ZFYVE28: variants seen among roughly 807,000 people sequenced by gnomAD.
ZFYVE28 encodes lateral signaling target protein 2 homolog.
A neutral mutation model predicts 82.1 loss-of-function variants in ZFYVE28; 40 were observed. The ratio of observed to expected loss-of-function variants is 0.49; its 90% CI spans 0.38 to 0.63. ZFYVE28 has a LOEUF of 0.63. ZFYVE28 is among the 30% of genes least tolerant of loss of function. The pLI is 0.00. For synonymous variants in ZFYVE28, 612 were observed against 546.1 expected (o/e 1.12, Z -1.68); for missense variants, 1,321 against 1,242.1 (o/e 1.06, Z -0.96).
chr4:2,387,658 G>A (rs1418454498), intron 1 of ZFYVE28, among the ~76,000 whole-genome samples: 2 of 152,160 alleles, frequency 1.3e-5, no homozygotes, highest in Non-Finnish European at 2.9e-5. Context: ...GGGTGGGGAG[G>A]TTCTAGAAGG....
Position 2,305,077 on chromosome 4 carries a change from G to C in ZFYVE28, c.1263C>G (p.Gly421=). Residue 421 remains glycine (G), a synonymous_variant, in exon 8 of 13, where the codon GGC becomes GGG. Coordinates refer to ENST00000290974, the MANE Select transcript of ZFYVE28 (RefSeq NM_020972.3). Reference sequence around the variant, plus strand: ...AGGTACTGCCTGCCCACCCAAATGGGCCAGCTGGGGACTCGGGCCTGGCCA... The same window carrying C: ...AGGTACTGCCTGCCCACCCAAATGGCCCAGCTGGGGACTCGGGCCTGGCCA... ...EALARPESPA[G]PFGWAGSTWA... 1 of 1,609,266 alleles carries C rather than the reference G, an allele frequency of 6.2e-7. No individual in the cohort carries two copies. The highest frequency in any genetic ancestry group is 8.5e-7 in the Non-Finnish European group (1 of 1,177,732).
At chr4:2,319,705 G>T (rs930479846) in intron 7 of ZFYVE28, among the ~76,000 whole-genome samples, 3 of 152,178 alleles carry the variant, frequency 2.0e-5, no homozygotes, top group Admixed American at 6.5e-5. Context: ...TTTTAAAAGG[G>T]GGTCTCCCAT....
At chr4:2,400,691 A>G (rs1731079555) in intron 1 of ZFYVE28, among the ~76,000 whole-genome samples, 1 of 152,190 alleles carries the variant, frequency 6.6e-6, no homozygotes, top group Non-Finnish European at 1.5e-5. Context: ...GTTCCAGGGC[A>G]GGAAGCATCC....
chr4:2,291,490 C>G (rs1168119590), intron 8 of ZFYVE28, among the ~76,000 whole-genome samples: 1 of 152,186 alleles, frequency 6.6e-6, no homozygotes, highest in African/African-American at 2.4e-5. Flanking sequence ...CCAAAGCCCC[C>G]GCTTCCACCC....
intron 7 of ZFYVE28, chr4:2,306,753 G>A (rs1298815981): frequency 6.6e-6 from 1 of 152,200 alleles, no homozygotes; most frequent in Non-Finnish European, 1.5e-5. Flanking sequence ...TTCTGCTGTT[G>A]TATTACTAGA....
At chr4:2,338,895 G>C (rs995479874) in intron 4 of ZFYVE28, among the ~76,000 whole-genome samples, 15 of 152,216 alleles carry the variant, frequency 9.9e-5, no homozygotes, top group Admixed American at 9.8e-4. Flanking sequence ...CTGGATCGCA[G>C]CTCACTGTAG....
chr4:2,271,791 G>A lies in ZFYVE28; in HGVS notation c.2324-12C>T. On this transcript the variant is annotated splice_polypyrimidine_tract_variant and intron_variant, in intron 10 of 12. Coordinates refer to ENST00000290974, the MANE Select transcript of ZFYVE28 (RefSeq NM_020972.3). Reference sequence around the variant, plus strand: ...CAGAGTCTGGGTGACTAGTGGAGAAGGGGGGCCGTCGGGGTATGGTGAGGG... The same window carrying A: ...CAGAGTCTGGGTGACTAGTGGAGAAAGGGGGCCGTCGGGGTATGGTGAGGG... 6.2e-7 allele frequency: 1 copy of A among 1,611,926 alleles called. No individual in the cohort carries two copies. Among genetic ancestry groups the A allele is most frequent in the Non-Finnish European group, 8.5e-7 (1 of 1,178,572 alleles).
At chr4:2,356,507 T>C (rs900584768) in intron 1 of ZFYVE28, among the ~76,000 whole-genome samples, 2 of 146,004 alleles carry the variant, frequency 1.4e-5, no homozygotes, top group Non-Finnish European at 3.0e-5. Flanking sequence ...AGATGGACGG[T>C]GGGCACTGGC....
At chr4:2,279,644 G>A (rs1371847117) in intron 8 of ZFYVE28, among the ~76,000 whole-genome samples, 7 of 151,926 alleles carry the variant, frequency 4.6e-5, no homozygotes, top group Non-Finnish European at 8.8e-5. Context: ...AGCCAGGCAT[G>A]GTGGCGGGCG....
At chr4:2,351,791 G>A (rs1367146819) in intron 2 of ZFYVE28, among the ~76,000 whole-genome samples, 1 of 152,218 alleles carries the variant, frequency 6.6e-6, no homozygotes, top group Non-Finnish European at 1.5e-5. Flanking sequence ...CTTCTGTCCA[G>A]CTGGCTGTAA....
intron 1 of ZFYVE28, among the ~76,000 whole-genome samples, chr4:2,370,323 A>C (rs1409759975): frequency 6.6e-6 from 1 of 152,108 alleles, no homozygotes; most frequent in Non-Finnish European, 1.5e-5. Flanking sequence ...CAGTGCGTTT[A>C]TCCTATGGAT....
intron 6 of ZFYVE28, among the ~76,000 whole-genome samples, chr4:2,326,086 C>T (rs1386168003): frequency 6.6e-6 from 1 of 152,182 alleles, no homozygotes; most frequent in African/African-American, 2.4e-5. Context: ...TCTATATTTG[C>T]TTCTCTTACC....
intron 3 of ZFYVE28, among the ~76,000 whole-genome samples, chr4:2,340,277 C>A (rs1041495120): frequency 3.9e-5 from 6 of 152,176 alleles, no homozygotes; most frequent in African/African-American, 1.4e-4. Context: ...TCCTCCGCAC[C>A]CACAAATCCA....
In ZFYVE28 at chr4:2,362,849, G is replaced by A. The variant is rs550074866; in HGVS notation, c.40-8776C>T. Among the ~76,000 whole-genome samples the A allele has an allele frequency of 2.7e-3, 416 of 152,218 alleles. 1 individual carries two copies. The highest frequency in any genetic ancestry group is 4.7e-3 in the Non-Finnish European group (320 of 67,990). On this transcript the variant is annotated intron_variant, in intron 1 of 12. Transcript: ENST00000290974. The surrounding 1 kb of genome is among the most constrained non-coding windows in gnomAD (Gnocchi z 5.1). Reference sequence around the variant, plus strand: ...CGCTGGGTCAGCAGGAGGCCTGGCAGGGAGTGAGGATGGGACGGTCCTGCT... The same window carrying A: ...CGCTGGGTCAGCAGGAGGCCTGGCAAGGAGTGAGGATGGGACGGTCCTGCT...
intron 8 of ZFYVE28, among the ~76,000 whole-genome samples, chr4:2,291,595 T>C (rs1179484123): frequency 6.6e-6 from 1 of 152,100 alleles, no homozygotes; most frequent in Non-Finnish European, 1.5e-5. Flanking sequence ...GCTGTGTGCC[T>C]CACTGAGACC....
At chr4:2,283,100 T>TCATCCATCCATC (rs60881791) in intron 8 of ZFYVE28, among the ~76,000 whole-genome samples, 29 of 148,120 alleles carry the variant, frequency 2.0e-4, no homozygotes, top group African/African-American at 6.5e-4. Context: ...CTTGTAAAAG[T>TCATCCATCCATC]CATCCATCCA....
chr4:2,326,471 G>A (rs1196612452), intron 6 of ZFYVE28, among the ~76,000 whole-genome samples: 1 of 152,208 alleles, frequency 6.6e-6, no homozygotes, highest in Non-Finnish European at 1.5e-5. Context: ...AAATCAGGTA[G>A]TGTGGTATCT....
intron 5 of ZFYVE28, among the ~76,000 whole-genome samples, chr4:2,336,473 A>G (rs1315760158): frequency 6.6e-6 from 1 of 152,240 alleles, no homozygotes; most frequent in Non-Finnish European, 1.5e-5. Flanking sequence ...AGAAACATCA[A>G]GGTTACATCT....
intron 8 of ZFYVE28, among the ~76,000 whole-genome samples, chr4:2,301,075 C>T (rs1266487659): frequency 2.3e-4 from 35 of 152,158 alleles, no homozygotes; most frequent in Admixed American, 2.3e-3. Context: ...TTTGGGTGAA[C>T]TTTCTGTGTG....
Sources: gnomAD v4.1 joint callset for allele counts (sites outside exome capture counted in the v4.1 genomes callset) on GRCh38, gnomAD v4.1.1 for gene constraint, Gnocchi (gnomAD v3.1) non-coding constraint, MANE v1.5 for transcripts, NCBI Gene and HGNC (gene_info 2026-07-23, HGNC 2026-07-21) for gene names.